CD200: variants seen among roughly 807,000 people sequenced by gnomAD.
The protein encoded by CD200 is CD200 molecule, also known as OX-2 membrane glycoprotein.
A neutral mutation model predicts 30.9 loss-of-function variants in CD200; 15 were observed. That is an observed-to-expected ratio of 0.49 (90% CI 0.32 to 0.75). The LOEUF (loss-of-function observed/expected upper bound fraction) is 0.75. Among genes scored for constraint, CD200 ranks in the 30% least tolerant of loss-of-function variants. CD200 has a pLI of 0.03. For synonymous variants in CD200, 134 were observed against 126.2 expected (o/e 1.06, Z -0.41); for missense variants, 262 against 324.2 (o/e 0.81, Z 1.47).
At chr3:112,334,884 T>C (rs1365456338) in intron 1 of CD200, among the ~76,000 whole-genome samples, 1 of 152,246 alleles carries the variant, frequency 6.6e-6, no homozygotes, top group East Asian at 1.9e-4. Flanking sequence ...GTTTGGTATG[T>C]ATCTGCTTTC....
intron 1 of CD200, among the ~76,000 whole-genome samples, chr3:112,335,449 C>T (rs2081091192): frequency 6.6e-6 from 1 of 152,150 alleles, no homozygotes; most frequent in Non-Finnish European, 1.5e-5. Context: ...AATAATTTGT[C>T]CTAATGGCAC....
intron 5 of CD200, among the ~76,000 whole-genome samples, chr3:112,354,541 T>C (rs573828639): frequency 6.6e-6 from 1 of 152,334 alleles, no homozygotes; most frequent in East Asian, 1.9e-4. Flanking sequence ...CCCTAGCCTC[T>C]ACTAACAAAA....
At chr3:112,333,599 C>G in intron 1 of CD200, 1 of 985,418 alleles carries the variant, frequency 1.0e-6, no homozygotes, top group Non-Finnish European at 1.2e-6. Context: ...GAGGCACAGC[C>G]TATTTTAAAC....
intron 2 of CD200, 105 bp from the exon 3 acceptor site, chr3:112,344,857 T>C (rs1251828093): frequency 3.3e-6 from 3 of 903,142 alleles, no homozygotes; most frequent in Non-Finnish European, 3.4e-6. Flanking sequence ...GCATTTTCTC[T>C]TTCTTTTCTA....
At chr3:112,343,281 T>C (rs1011693810) in intron 2 of CD200, among the ~76,000 whole-genome samples, 1 of 151,738 alleles carries the variant, frequency 6.6e-6, no homozygotes, top group African/African-American at 2.4e-5. Context: ...ACCTAAAGTA[T>C]ATATATAAAT....
chr3:112,356,814 C>T (rs988475980), intron 5 of CD200, among the ~76,000 whole-genome samples: 19 of 152,178 alleles, frequency 1.2e-4, no homozygotes, highest in African/African-American at 4.1e-4. Context: ...TGATCAAATC[C>T]TGTCCTTTAC....
intron 2 of CD200, among the ~76,000 whole-genome samples, chr3:112,344,493 C>T (rs548507091): frequency 1.3e-5 from 2 of 152,270 alleles, no homozygotes; most frequent in African/African-American, 4.8e-5. Flanking sequence ...CCACCTGCTT[C>T]CTTTGTAGAT....
chr3:112,337,519 C>A (rs1223496548), intron 1 of CD200, among the ~76,000 whole-genome samples: 1 of 152,060 alleles, frequency 6.6e-6, no homozygotes, highest in Non-Finnish European at 1.5e-5. Context: ...TGAAAACAGG[C>A]TAAGAACTTT....
chr3:112,351,384 TG>T (rs1488301788), intron 5 of CD200, among the ~76,000 whole-genome samples: 1 of 152,230 alleles, frequency 6.6e-6, no homozygotes, highest in Non-Finnish European at 1.5e-5. Context: ...AAGTCCCTCT[TG>T]GGCAAAAGTT....
chr3:112,332,911 G>GA (rs71134825), upstream of CD200: 119,461 of 397,500 alleles, frequency 0.3, 9,655 homozygotes, highest in Non-Finnish European at 0.34. Context: ...CAGGAAAATG[G>GA]AAAAAAAAAA....
At chr3:112,343,219 A>G (rs1033438241) in intron 2 of CD200, among the ~76,000 whole-genome samples, 1 of 151,900 alleles carries the variant, frequency 6.6e-6, no homozygotes, top group African/African-American at 2.4e-5. Context: ...ACATACATAT[A>G]AAGTATATAG....
At chr3:112,333,375 T>C in intron 1 of CD200, 151 bp downstream of exon 1, 1 of 1,412,246 alleles carries the variant, frequency 7.1e-7, no homozygotes, top group East Asian at 2.8e-5. Context: ...TGGCAGCGCT[T>C]TTCTCTAAGC....
chr3:112,333,343 G>A, intron 1 of CD200, 119 bp downstream of exon 1: 6 of 1,462,406 alleles, frequency 4.1e-6, no homozygotes, highest in Non-Finnish European at 4.5e-6. Flanking sequence ...ATCTGGTCCG[G>A]GGACTAGATC....
At chr3:112,344,510 T>C (rs2108444399) in intron 2 of CD200, among the ~76,000 whole-genome samples, 2 of 152,286 alleles carry the variant, frequency 1.3e-5, no homozygotes, top group South Asian at 4.2e-4. Flanking sequence ...AGATTGTGTA[T>C]GTGTGTGTGT....
intron 5 of CD200, among the ~76,000 whole-genome samples, chr3:112,356,934 A>G (rs1048377630): frequency 2.6e-5 from 4 of 152,206 alleles, no homozygotes; most frequent in Admixed American, 2.6e-4. Flanking sequence ...GAATGTTGTG[A>G]AGATTTAAAC....
chr3:112,345,658 A>G (rs1187741034), intron 3 of CD200, among the ~76,000 whole-genome samples: 2 of 152,248 alleles, frequency 1.3e-5, no homozygotes, highest in Non-Finnish European at 2.9e-5. Flanking sequence ...TGTCTGGACA[A>G]TAAGTGTGAA....
Position 112,355,239 on chromosome 3 carries a change from C to T in CD200, c.802+5420C>T, listed in dbSNP as rs74859466. Among the ~76,000 whole-genome samples, 1,266 of 152,246 alleles carry T rather than the reference C, an allele frequency of 8.3e-3. 26 individuals are homozygous for T. The highest frequency in any genetic ancestry group is 0.026 in the Admixed American group (396 of 15,292). On this transcript the variant is annotated intron_variant, in intron 5 of 5. Transcript: ENST00000315711. ...AGCCTTTGCTCTGTTCCTGGCAACT[C>T]TCTATCAAAGAACTTCAAAACCTGG...
chr3:112,345,103 G>A lies in CD200; in HGVS notation c.236G>A (p.Ser79Asn). 1 of 1,614,088 alleles carries A rather than the reference G, an allele frequency of 6.2e-7. No homozygotes were observed. Among genetic ancestry groups the A allele is most frequent in the Non-Finnish European group, 8.5e-7 (1 of 1,179,990 alleles). The change falls in exon 3 of 6, where the codon AGC (serine) becomes AAC (asparagine). Residue 79 changes from serine (S) to asparagine (N), a missense_variant. Transcript: ENST00000315711. ...AGCCCAGAAAACATGGTCACCTTCA[G>A]CGAGAACCATGGGGTGGTGATCCAG... is the stretch of plus-strand genomic sequence containing the variant. ...AVSPENMVTF[S>N]ENHGVVIQPA... is the part of the protein sequence containing the mutation.
chr3:112,340,793 G>T, intron 1 of CD200, 109 bp from the exon 2 acceptor site: 1 of 706,594 alleles, frequency 1.4e-6, no homozygotes, highest in Non-Finnish European at 2.4e-6. Context: ...AATTCTCTGG[G>T]GGGTAAAAAC....
Sources: gnomAD v4.1 joint callset for allele counts (sites outside exome capture counted in the v4.1 genomes callset) on GRCh38, gnomAD v4.1.1 for gene constraint, MANE v1.5 for transcripts, NCBI Gene and HGNC (gene_info 2026-07-23, HGNC 2026-07-21) for gene names.